CENPP: variants seen among roughly 807,000 people sequenced by gnomAD.
CENPP encodes the protein centromere protein P.
A neutral mutation model predicts 35.6 loss-of-function variants in CENPP; 24 were observed. The ratio of observed to expected loss-of-function variants is 0.67; its 90% CI spans 0.49 to 0.95. The LOEUF (loss-of-function observed/expected upper bound fraction) is 0.95. CENPP is among the 40% of genes least tolerant of loss of function. CENPP has a pLI of 0.00. For synonymous variants in CENPP, 120 were observed against 125.5 expected (o/e 0.96, Z 0.29); for missense variants, 332 against 345.3 (o/e 0.96, Z 0.31).
At chr9:92,450,337 G>T (rs1322950841) in intron 5 of CENPP, among the ~76,000 whole-genome samples, 5 of 148,340 alleles carry the variant, frequency 3.4e-5, no homozygotes, top group South Asian at 2.1e-4. Flanking sequence ...TGAGTGAGAA[G>T]ATGCGGTGTT....
intron 5 of CENPP, among the ~76,000 whole-genome samples, chr9:92,507,740 G>A (rs999174672): frequency 2.0e-5 from 3 of 152,150 alleles, no homozygotes; most frequent in African/African-American, 4.8e-5. Flanking sequence ...CTTTTAAAGC[G>A]TGCCTGGTTT....
intron 5 of CENPP, chr9:92,522,931 A>C (rs1441707484): frequency 2.0e-6 from 3 of 1,503,448 alleles, no homozygotes; most frequent in Non-Finnish European, 2.6e-6. Flanking sequence ...GTGGTGACTA[A>C]ATTTTTACTT....
At chr9:92,363,858 GT>G (rs896999163) in intron 4 of CENPP, among the ~76,000 whole-genome samples, 1 of 149,294 alleles carries the variant, frequency 6.7e-6, no homozygotes, top group African/African-American at 2.5e-5. Flanking sequence ...TTTTGTTTTT[GT>G]TTTTTTTGAG....
In CENPP at chr9:92,560,868, C is replaced by CTT. The variant is rs58467942; in HGVS notation, c.565-50426_565-50425dup. Among the ~76,000 whole-genome samples, 1,209 of 126,060 alleles carry CTT rather than the reference C, an allele frequency of 9.6e-3. 19 individuals carry two copies. Among genetic ancestry groups the CTT allele is most frequent in the African/African-American group, 0.032 (1,091 of 33,790 alleles). The allele number at this position is 126,060 out of a possible 152,430, so 82.7% of individuals were successfully genotyped here. A position where few individuals can be genotyped will look rare whatever the true frequency, so the allele number is the denominator to read the frequency against. On this transcript the variant is annotated intron_variant, in intron 5 of 7. Coordinates refer to ENST00000375587, the MANE Select transcript of CENPP (RefSeq NM_001012267.3). ...TCTATGCAGCCTTCCTTTTTCTTGT[C>CTT]TTTTTTTTTTTTTTTTTTTTTAAAT...
intron 5 of CENPP, among the ~76,000 whole-genome samples, chr9:92,430,891 G>A (rs1478914014): frequency 6.6e-6 from 1 of 152,070 alleles, no homozygotes; most frequent in African/African-American, 2.4e-5. Context: ...CGCCTCCTGA[G>A]TTCAAGTAAT....
At chr9:92,375,498 A>G (rs1842104857) in intron 4 of CENPP, among the ~76,000 whole-genome samples, 1 of 151,712 alleles carries the variant, frequency 6.6e-6, no homozygotes, top group Non-Finnish European at 1.5e-5. Context: ...GGGTTTCACC[A>G]CATTAGCTAG....
At chr9:92,500,500 T>C (rs1438234111) in intron 5 of CENPP, among the ~76,000 whole-genome samples, 1 of 152,222 alleles carries the variant, frequency 6.6e-6, no homozygotes, top group African/African-American at 2.4e-5. Context: ...GTTTTAACTA[T>C]GGAAATTTAT....
chr9:92,592,099 G>A (rs940790565), intron 5 of CENPP, among the ~76,000 whole-genome samples: 2 of 151,712 alleles, frequency 1.3e-5, no homozygotes, highest in African/African-American at 4.8e-5. Flanking sequence ...ACATATACAT[G>A]TATAAATGTA....
chr9:92,557,638 C>T (rs746488476), intron 5 of CENPP, among the ~76,000 whole-genome samples: 12 of 151,978 alleles, frequency 7.9e-5, no homozygotes, highest in Non-Finnish European at 1.5e-4. Flanking sequence ...GAGCATTTCG[C>T]ATTTCTTTGT....
In CENPP at chr9:92,416,099, TTTTA is replaced by T. The variant is rs1162775724; in HGVS notation, c.564+36244_564+36247del. ...ATTTATTTATTTATTTATTTATTTA[TTTTA>T]TTTTTTTTTTTTTTAAGACAGAGTT... is the stretch of plus-strand genomic sequence containing the variant. On this transcript the variant is annotated intron_variant, in intron 5 of 7. Transcript: ENST00000375587. 1.6e-3 allele frequency among the ~76,000 whole-genome samples: 216 copies of T among 132,828 alleles called. 1 individual carries two copies. The highest frequency in any genetic ancestry group is 7.8e-3 in the Middle Eastern group (2 of 258). The allele number at this position is 132,828 out of a possible 152,430, so 87.1% of individuals were successfully genotyped here. A position where few individuals can be genotyped will look rare whatever the true frequency, so the allele number is the denominator to read the frequency against.
chr9:92,586,107 G>A (rs961678051), intron 5 of CENPP, among the ~76,000 whole-genome samples: 4 of 152,222 alleles, frequency 2.6e-5, no homozygotes, highest in Admixed American at 6.5e-5. Context: ...GCGCAATGGC[G>A]CAATCTCGGC....
intron 5 of CENPP, among the ~76,000 whole-genome samples, chr9:92,543,805 C>G (rs1849369478): frequency 6.6e-6 from 1 of 152,096 alleles, no homozygotes; most frequent in Non-Finnish European, 1.5e-5. Flanking sequence ...TATTACGTAT[C>G]TATTGTAAAT....
intron 5 of CENPP, among the ~76,000 whole-genome samples, chr9:92,538,639 G>A (rs1849245208): frequency 6.6e-6 from 1 of 152,180 alleles, no homozygotes; most frequent in South Asian, 2.1e-4. Context: ...TTAATGGACT[G>A]TTACATGAGT....
chr9:92,396,350 T>C (rs1033588394), intron 5 of CENPP, among the ~76,000 whole-genome samples: 2 of 151,960 alleles, frequency 1.3e-5, no homozygotes, highest in Non-Finnish European at 2.9e-5. Flanking sequence ...TATTTTTATA[T>C]ATATTTTAGA....
intron 5 of CENPP, among the ~76,000 whole-genome samples, chr9:92,568,714 G>A (rs1850059295): frequency 6.6e-6 from 1 of 152,284 alleles, no homozygotes; most frequent in East Asian, 1.9e-4. Context: ...GTGTAAAAGT[G>A]TTCCTATTTC....
At chr9:92,337,708 G>A in intron 3 of CENPP, 79 bp downstream of exon 3, 1 of 913,126 alleles carries the variant, frequency 1.1e-6, no homozygotes, top group Non-Finnish European at 1.8e-6. Flanking sequence ...GCCTTCAACA[G>A]TGATGGAGCT....
chr9:92,603,386 T>TTC (rs1223974093), intron 5 of CENPP, among the ~76,000 whole-genome samples: 4 of 152,256 alleles, frequency 2.6e-5, no homozygotes, highest in South Asian at 2.1e-4. Flanking sequence ...CAGATCATTG[T>TTC]TCTTCCCAGT....
Position 92,612,574 on chromosome 9 carries a change from T to C in CENPP, c.696T>C (p.Val232=), listed in dbSNP as rs141428465. 2,347 of 1,613,902 alleles carry C rather than the reference T, an allele frequency of 1.5e-3. 1 individual carries two copies. The highest frequency in any genetic ancestry group is 1.9e-3 in the Non-Finnish European group (2,189 of 1,179,980). ...TACAAATAGATGAAGATGGGAAGGT[T>C]TTTCCAAAGCTGGATCTTCTCACCA... ...WRIQIDEDGK[V]FPKLDLLTKV... The change falls in exon 7 of 8, where the codon GTT becomes GTC. Residue 232 remains valine (V), a synonymous_variant. Transcript: ENST00000375587.
intron 5 of CENPP, among the ~76,000 whole-genome samples, chr9:92,549,113 G>A (rs577038701): frequency 1.9e-4 from 29 of 152,244 alleles, no homozygotes; most frequent in African/African-American, 7.0e-4. Context: ...TTTCTCACGT[G>A]GACGGTTTCA....
Sources: gnomAD v4.1 joint callset for allele counts (sites outside exome capture counted in the v4.1 genomes callset) on GRCh38, gnomAD v4.1.1 for gene constraint, MANE v1.5 for transcripts, NCBI Gene and HGNC (gene_info 2026-07-23, HGNC 2026-07-21) for gene names.